Variants in SLIT3 observed in about 807,000 individuals in gnomAD.
SLIT3 encodes slit guidance ligand 3, also known as slit homolog 3 protein.
A neutral mutation model predicts 184.0 loss-of-function variants in SLIT3; 68 were observed. The observed-to-expected ratio is 0.37, with a 90% CI of 0.30 to 0.45. SLIT3 has a LOEUF of 0.45. Ranked by LOEUF, SLIT3 falls within the 20% of genes least tolerant of loss-of-function variation. The pLI, the probability that SLIT3 is intolerant of heterozygous loss-of-function variation, is 1.00. For synonymous variants in SLIT3, 831 were observed against 828.6 expected (o/e 1.00, Z -0.05); for missense variants, 1,707 against 2,026.0 (o/e 0.84, Z 3.02).
intron 4 of SLIT3, among the ~76,000 whole-genome samples, chr5:169,145,387 G>T (rs891771951): frequency 1.3e-5 from 2 of 152,168 alleles, no homozygotes; most frequent in African/African-American, 2.4e-5. Context: ...GGTCAATGTT[G>T]CTTCTAAGGT....
rs189255761 is a variant in SLIT3 at position 169,166,009 on chromosome 5, C to T, written c.413+27470G>A. On this transcript the variant is annotated intron_variant, in intron 4 of 35. Coordinates refer to ENST00000519560, the MANE Select transcript of SLIT3 (RefSeq NM_003062.4). ...GGTAGGCACTATTCATATCATCATG[C>T]CTATCTTACACATAAAGAAACAGAA... Among the ~76,000 whole-genome samples, 295 of 152,260 alleles carry T rather than the reference C, an allele frequency of 1.9e-3. 1 individual carries two copies. The highest frequency in any genetic ancestry group is 3.4e-3 in the Middle Eastern group (1 of 294).
intron 4 of SLIT3, among the ~76,000 whole-genome samples, chr5:169,174,549 C>T (rs542838444): frequency 1.3e-4 from 20 of 152,266 alleles, no homozygotes; most frequent in South Asian, 4.1e-4. Context: ...TTTCCCTTGA[C>T]GTCAAATGGG....
At chr5:168,956,257 C>T (rs1762820981) in intron 4 of SLIT3, among the ~76,000 whole-genome samples, 1 of 152,122 alleles carries the variant, frequency 6.6e-6, no homozygotes, top group African/African-American at 2.4e-5. Context: ...TCAAAACCAG[C>T]CCGTTATTCT....
intron 20 of SLIT3, among the ~76,000 whole-genome samples, chr5:168,729,777 C>T (rs1056186416): frequency 6.6e-6 from 1 of 152,012 alleles, no homozygotes; most frequent in African/African-American, 2.4e-5. Context: ...CACAGAATTT[C>T]ACCAAACCAC....
intron 4 of SLIT3, among the ~76,000 whole-genome samples, chr5:169,006,323 C>G (rs113661825): frequency 6.6e-6 from 1 of 152,126 alleles, no homozygotes; most frequent in African/African-American, 2.4e-5. Flanking sequence ...CTAAGAGATG[C>G]GACAATGAGA....
At chr5:168,992,342 G>A (rs530239140) in intron 4 of SLIT3, among the ~76,000 whole-genome samples, 4 of 152,344 alleles carry the variant, frequency 2.6e-5, no homozygotes, top group East Asian at 3.9e-4. Context: ...ACAGACGCAA[G>A]GACCCTCAAC....
intron 9 of SLIT3, among the ~76,000 whole-genome samples, chr5:168,803,657 T>C (rs1282161525): frequency 6.6e-6 from 1 of 152,160 alleles, no homozygotes; most frequent in East Asian, 1.9e-4. Context: ...GGCTACAGCC[T>C]GGCTACCTGG....
chr5:169,233,095 G>A (rs952998576), intron 3 of SLIT3, among the ~76,000 whole-genome samples: 1 of 152,092 alleles, frequency 6.6e-6, no homozygotes, highest in Non-Finnish European at 1.5e-5. Context: ...GCACAATCTT[G>A]GCTCACTGCA....
chr5:168,690,425 AATT>A (rs1449806131), intron 29 of SLIT3, among the ~76,000 whole-genome samples: 1 of 152,082 alleles, frequency 6.6e-6, no homozygotes, highest in Non-Finnish European at 1.5e-5. Context: ...GCCAAGAGGC[AATT>A]TATCTCCTCT....
At chr5:168,822,632 C>T (rs186742927) in intron 7 of SLIT3, among the ~76,000 whole-genome samples, 3 of 152,164 alleles carry the variant, frequency 2.0e-5, no homozygotes, top group South Asian at 2.1e-4. Context: ...GTATTGGTCA[C>T]GATGAGGAGA....
At chr5:168,909,866 C>T (rs1761197719) in intron 4 of SLIT3, among the ~76,000 whole-genome samples, 1 of 152,180 alleles carries the variant, frequency 6.6e-6, no homozygotes, top group Admixed American at 6.5e-5. Flanking sequence ...TTAGACTTGG[C>T]TCTACTTTTC....
chr5:169,118,470 G>A (rs746519629), intron 4 of SLIT3, among the ~76,000 whole-genome samples: 46 of 152,206 alleles, frequency 3.0e-4, no homozygotes, highest in Non-Finnish European at 5.6e-4. Flanking sequence ...AAGGCCAGGT[G>A]AGACCAAGAA....
intron 4 of SLIT3, among the ~76,000 whole-genome samples, chr5:168,996,034 C>T (rs984090858): frequency 6.6e-6 from 1 of 152,302 alleles, no homozygotes; most frequent in Admixed American, 6.5e-5. Context: ...ACATCTGACA[C>T]TGAGATCAAT....
intron 4 of SLIT3, among the ~76,000 whole-genome samples, chr5:169,000,392 C>CAAAAAAAAAAAA (rs34002967): frequency 7.1e-5 from 3 of 42,326 alleles, no homozygotes; most frequent in African/African-American, 1.0e-4. Context: ...AACTCCATCT[C>CAAAAAAAAAAAA]AAAAAAAAAA....
At chr5:169,264,343 AC>A (rs1199566370) in intron 1 of SLIT3, among the ~76,000 whole-genome samples, 1 of 152,096 alleles carries the variant, frequency 6.6e-6, no homozygotes. Context: ...ACATGCATGT[AC>A]CACCATGCCT....
chr5:169,149,198 A>G (rs7719596), intron 4 of SLIT3, among the ~76,000 whole-genome samples: 26,939 of 152,212 alleles, frequency 0.18, 2,890 homozygotes, highest in Middle Eastern at 0.33. Context: ...ACAAATTAAG[A>G]GGAAATGACG....
At chr5:169,223,048 G>T (rs879358323) in intron 3 of SLIT3, among the ~76,000 whole-genome samples, 2 of 152,142 alleles carry the variant, frequency 1.3e-5, no homozygotes, top group Non-Finnish European at 2.9e-5. Flanking sequence ...AAATTTAGCT[G>T]CATGGGTTAT....
chr5:168,963,876 TC>T (rs1387065877), intron 4 of SLIT3, among the ~76,000 whole-genome samples: 3 of 152,176 alleles, frequency 2.0e-5, no homozygotes, highest in African/African-American at 7.2e-5. Context: ...TGTTTCAGTT[TC>T]CTACCATAGT....
At chr5:168,828,706 C>T (rs1757783730) in intron 6 of SLIT3, among the ~76,000 whole-genome samples, 1 of 147,968 alleles carries the variant, frequency 6.8e-6, no homozygotes, top group African/African-American at 2.5e-5. Context: ...CTAGACTAGG[C>T]CTATCACCTG....
Sources: gnomAD v4.1 joint callset for allele counts (sites outside exome capture counted in the v4.1 genomes callset) on GRCh38, gnomAD v4.1.1 for gene constraint, MANE v1.5 for transcripts, NCBI Gene and HGNC (gene_info 2026-07-23, HGNC 2026-07-21) for gene names.